GPC6: variants seen among roughly 807,000 people sequenced by gnomAD.
GPC6 encodes the protein glypican 6.
Under a neutral mutation model 55.2 loss-of-function variants are expected in GPC6, and 14 were observed. The ratio of observed to expected loss-of-function variants is 0.25; its 90% CI spans 0.17 to 0.40. The LOEUF (loss-of-function observed/expected upper bound fraction) is 0.40, where lower values mean the gene tolerates loss of function less well. Among genes scored for constraint, GPC6 ranks in the 10% least tolerant of loss-of-function variants. The pLI is 1.00. For missense variants in GPC6, 641 were observed against 708.5 expected (o/e 0.90, Z 1.08); for synonymous variants, 278 against 259.6 (o/e 1.07, Z -0.68).
intron 1 of GPC6, among the ~76,000 whole-genome samples, chr13:93,250,747 A>T (rs1308985286): frequency 1.3e-5 from 2 of 152,184 alleles, no homozygotes; most frequent in African/African-American, 4.8e-5. Context: ...ACAGAATCCT[A>T]GGCAGAATTT....
At chr13:94,237,641 T>C (rs1420658996) in intron 4 of GPC6, among the ~76,000 whole-genome samples, 1 of 151,968 alleles carries the variant, frequency 6.6e-6, no homozygotes, top group African/African-American at 2.4e-5. Context: ...GAGGCCCCAA[T>C]GTGGGGGCAA....
At chr13:94,137,122 A>G (rs1286223902) in intron 4 of GPC6, among the ~76,000 whole-genome samples, 3 of 152,212 alleles carry the variant, frequency 2.0e-5, no homozygotes, top group Non-Finnish European at 2.9e-5. Flanking sequence ...TTGAAAGAGA[A>G]CTGAGGAGTT....
intron 1 of GPC6, among the ~76,000 whole-genome samples, chr13:93,341,014 T>C (rs1880236880): frequency 6.6e-6 from 1 of 152,208 alleles, no homozygotes; most frequent in Non-Finnish European, 1.5e-5. Context: ...TATTTGGTTA[T>C]TCATTCCTGA....
At chr13:93,583,751 T>A (rs1877059224) in intron 2 of GPC6, among the ~76,000 whole-genome samples, 1 of 152,108 alleles carries the variant, frequency 6.6e-6, no homozygotes, top group African/African-American at 2.4e-5. Flanking sequence ...CTTGTAGTAG[T>A]TAGAAGCTAA....
At position 93,902,942 on chromosome 13, in the gene GPC6, C is replaced by G. The variant is rs117803842; in HGVS notation, c.711+72397C>G. 3.7e-4 allele frequency among the ~76,000 whole-genome samples: 57 copies of G among 152,234 alleles called. No homozygotes were observed. In the East Asian group the frequency reaches 0.011, roughly 28 times the overall value. On this transcript the variant is annotated intron_variant, in intron 3 of 8. Coordinates refer to ENST00000377047, the MANE Select transcript of GPC6 (RefSeq NM_005708.5). ...CATAAATCCATGCACTTATAGCCTA[C>G]TGGTTTCAACAAAAGTGCCAAGAAC...
At chr13:93,274,439 T>C (rs1877659992) in intron 1 of GPC6, among the ~76,000 whole-genome samples, 1 of 152,212 alleles carries the variant, frequency 6.6e-6, no homozygotes, top group African/African-American at 2.4e-5. Context: ...AATTTTATGC[T>C]ATAATGAATG....
intron 1 of GPC6, among the ~76,000 whole-genome samples, chr13:93,506,887 G>A (rs372347464): frequency 2.7e-4 from 13 of 47,738 alleles, no homozygotes; most frequent in South Asian, 9.3e-4. Flanking sequence ...AAAAAAAAAA[G>A]AAAATACAAA....
intron 3 of GPC6, among the ~76,000 whole-genome samples, chr13:93,898,931 TTATATATAAATATA>T (rs1214941174): frequency 9.1e-6 from 1 of 110,468 alleles, no homozygotes; most frequent in Non-Finnish European, 1.8e-5. Context: ...TATAAAAATA[TTATATATAAATATA>T]TATATATATA....
At chr13:94,395,388 G>A (rs1880852209) in intron 7 of GPC6, among the ~76,000 whole-genome samples, 1 of 152,110 alleles carries the variant, frequency 6.6e-6, no homozygotes, top group Non-Finnish European at 1.5e-5. Context: ...AAAGCTTCAT[G>A]GAAAAGAATT....
At chr13:94,307,168 A>G (rs1875989706) in intron 6 of GPC6, among the ~76,000 whole-genome samples, 1 of 152,190 alleles carries the variant, frequency 6.6e-6, no homozygotes, top group Non-Finnish European at 1.5e-5. Context: ...CTTACAACCT[A>G]AAGGCCTATC....
chr13:93,859,552 G>C (rs1000550004), intron 3 of GPC6, among the ~76,000 whole-genome samples: 5 of 151,660 alleles, frequency 3.3e-5, no homozygotes, highest in Non-Finnish European at 7.4e-5. Flanking sequence ...GATTTCTCTT[G>C]TAGTAGTTCT....
At chr13:93,820,833 A>T (rs1206076750) in intron 2 of GPC6, among the ~76,000 whole-genome samples, 1 of 152,042 alleles carries the variant, frequency 6.6e-6, no homozygotes, top group Non-Finnish European at 1.5e-5. Flanking sequence ...CCTCCAAATC[A>T]TTTACATGAT....
At position 94,382,262 on chromosome 13, in the gene GPC6, C is replaced by A. The variant is rs575192405; in HGVS notation, c.1153-152C>A. 77 of 768,914 alleles carry A rather than the reference C, an allele frequency of 1.0e-4. 1 individual carries two copies. The highest frequency in any genetic ancestry group is 9.6e-4 in the East Asian group (36 of 37,448). The allele number at this position is 768,914 out of a possible 1,614,324, so 47.6% of individuals were successfully genotyped here. On this transcript the variant is annotated intron_variant, in intron 6 of 8. Transcript: ENST00000377047. Reference sequence around the variant, plus strand: ...AAAGGAGGCTTTCCCGGGCAATAAACCCTGCAGTGCAGTGTCTCTCTCTTA... The same window carrying A: ...AAAGGAGGCTTTCCCGGGCAATAAAACCTGCAGTGCAGTGTCTCTCTCTTA...
At chr13:94,288,100 C>G (rs1390846084) in intron 5 of GPC6, among the ~76,000 whole-genome samples, 1 of 152,076 alleles carries the variant, frequency 6.6e-6, no homozygotes, top group African/African-American at 2.4e-5. Context: ...AGGCACCATT[C>G]CAGCCCTCAG....
At chr13:93,756,412 A>C (rs1425259239) in intron 2 of GPC6, among the ~76,000 whole-genome samples, 1 of 152,166 alleles carries the variant, frequency 6.6e-6, no homozygotes, top group African/African-American at 2.4e-5. Flanking sequence ...GTACTTCCGG[A>C]CATGCTGGTC....
At chr13:93,665,833 G>A (rs1270623657) in intron 2 of GPC6, among the ~76,000 whole-genome samples, 1 of 152,126 alleles carries the variant, frequency 6.6e-6, no homozygotes, top group Non-Finnish European at 1.5e-5. Flanking sequence ...ACTTCATCCT[G>A]TCTTGACTGA....
chr13:93,440,202 C>T (rs1049391620), intron 1 of GPC6, among the ~76,000 whole-genome samples: 7 of 152,166 alleles, frequency 4.6e-5, no homozygotes, highest in African/African-American at 1.4e-4. Context: ...GATCATCAGT[C>T]TTCTTCACAG....
intron 3 of GPC6, among the ~76,000 whole-genome samples, chr13:94,003,433 A>G (rs1881892855): frequency 1.3e-5 from 2 of 152,222 alleles, no homozygotes; most frequent in African/African-American, 4.8e-5. Flanking sequence ...CAAGAGGAGC[A>G]CTGCTCTTAG....
chr13:93,432,556 T>C (rs953655768), intron 1 of GPC6, among the ~76,000 whole-genome samples: 3 of 152,184 alleles, frequency 2.0e-5, no homozygotes, highest in Non-Finnish European at 2.9e-5. Context: ...CATTTTAATA[T>C]GTGCTTCTAG....
Sources: allele counts gnomAD v4.1 joint callset (sites outside exome capture counted in the v4.1 genomes callset), GRCh38; gene constraint gnomAD v4.1.1; transcripts MANE v1.5; gene names NCBI Gene and HGNC (gene_info 2026-07-23, HGNC 2026-07-21).